Variants in ARSL observed in about 807,000 individuals in gnomAD.
The protein encoded by ARSL is arylsulfatase L, also known as arylsulfatase E (chondrodysplasia punctata 1).
In ARSL, 4 loss-of-function variants were observed where a neutral mutation model predicts 31.1. The observed-to-expected ratio is 0.13, with a 90% confidence interval of 0.06 to 0.29. ARSL has a LOEUF of 0.29. ARSL is among the 10% of genes least tolerant of loss of function. ARSL has a pLI of 1.00. For missense variants in ARSL, 312 were observed against 497.8 expected (o/e 0.63, Z 3.55); for synonymous variants, 198 against 209.9 (o/e 0.94, Z 0.49).
In ARSL at chrX:2,943,213, A is replaced by T; in HGVS notation, c.992-14T>A. 1 of 1,209,982 alleles carries T rather than the reference A, an allele frequency of 8.3e-7. No individual in the cohort carries two copies. Among genetic ancestry groups the T allele is most frequent in the Non-Finnish European group, 1.1e-6 (1 of 895,051 alleles). On this transcript the variant is annotated splice_polypyrimidine_tract_variant and intron_variant, in intron 7 of 10. Coordinates refer to ENST00000381134, the MANE Select transcript of ARSL (RefSeq NM_000047.3). ...CAAGGATCCGTCCTGCAAAGAACAGATGTTTTTGGGGCCGTCGAAATGGAA... is the reference window on the plus strand; with the variant it reads ...CAAGGATCCGTCCTGCAAAGAACAGTTGTTTTTGGGGCCGTCGAAATGGAA...
intron 2 of ARSL, among the ~76,000 whole-genome samples, chrX:2,959,032 T>C (rs1249999318): frequency 2.7e-5 from 3 of 112,058 alleles, no homozygotes; most frequent in Non-Finnish European, 5.6e-5. Flanking sequence ...GCCTTAGTCA[T>C]GGTTTCTTGG....
rs867099462 is a variant in ARSL, at chrX:2,961,891, A to C, written c.-20-1471T>G. On this transcript the variant is annotated intron_variant, in intron 1 of 10. Transcript: ENST00000381134. The stretch of plus-strand genomic sequence containing the variant: ...TTTTTTTTTTTAATCTTTCTTTTTT[A>C]TTTTTTTGAGACGGAGTCTTGCTCT... Among the ~76,000 whole-genome samples the C allele has an allele frequency of 8.9e-5, 4 of 44,696 alleles. No individual in the cohort carries two copies. In the Admixed American group the frequency reaches 1.0e-3, roughly 12 times the overall value. The allele number at this position is 44,696 out of a possible 115,157, so 38.8% of individuals were successfully genotyped here.
At chrX:2,964,182 C>A in intron 1 of ARSL, 42 bp downstream of exon 1, 6 of 754,084 alleles carry the variant, frequency 8.0e-6, no homozygotes, top group Non-Finnish European at 9.4e-6. Context: ...TGCCTGGTCA[C>A]GGAGCCCAAA....
chrX:2,960,408 C>T lies in ARSL; in HGVS notation c.-8G>A. The T allele has an allele frequency of 1.7e-6, 2 of 1,195,711 alleles. No individual in the cohort carries two copies. Among genetic ancestry groups the T allele is most frequent in the Non-Finnish European group, 2.2e-6 (2 of 889,363 alleles). ...ATGGTGCAGATGTAACATGTTGTCT[C>T]TCTCTCTACTTCCTGTAAGACATAA... On this transcript the variant is annotated 5_prime_UTR_variant, in exon 2 of 11. Transcript: ENST00000381134.
rs2089175587 is a variant in ARSL, at chrX:2,934,942, G to A, written c.1660C>T (p.Pro554Ser). Residue 554 changes from proline to serine, a missense_variant, in exon 11 of 11, where the codon CCA becomes TCA. Coordinates refer to ENST00000381134, the MANE Select transcript of ARSL (RefSeq NM_000047.3). ...AVWEHQRTLS[P>S]VPLQLDRLGN... is the part of the protein sequence containing the mutation. ...AGCCTGTCCAGCTGCAGAGGAACTG[G>A]GCTGAGTGTCCGCTGGTGTTCCCAC... 2.5e-6 allele frequency: 3 copies of A among 1,210,522 alleles called. No individual in the cohort carries two copies. Among genetic ancestry groups the A allele is most frequent in the Non-Finnish European group, 3.4e-6 (3 of 894,881 alleles).
At chrX:2,961,038 G>A (rs752771937) in intron 1 of ARSL, among the ~76,000 whole-genome samples, 1 of 111,447 alleles carries the variant, frequency 9.0e-6, no homozygotes, top group South Asian at 3.8e-4. Context: ...AACAGAACTG[G>A]GAGTGTCAGT....
intron 2 of ARSL, chrX:2,960,031 A>G: frequency 4.7e-6 from 1 of 211,868 alleles, no homozygotes; most frequent in Non-Finnish European, 8.5e-6. Context: ...GCACTTTGGG[A>G]GGCCGAGGCG....
intron 6 of ARSL, among the ~76,000 whole-genome samples, chrX:2,947,373 G>C (rs756060836): frequency 8.9e-6 from 1 of 112,469 alleles, no homozygotes; most frequent in South Asian, 3.7e-4. Context: ...TATAGAATAA[G>C]TGGTGCCACA....
chrX:2,936,006 G>A (rs1361847628), intron 10 of ARSL, among the ~76,000 whole-genome samples: 1 of 110,893 alleles, frequency 9.0e-6, no homozygotes, highest in Non-Finnish European at 1.9e-5. Flanking sequence ...GAGTTGCCTG[G>A]GCAACATACT....
At chrX:2,947,562 T>A (rs2089402631) in intron 6 of ARSL, among the ~76,000 whole-genome samples, 1 of 112,226 alleles carries the variant, frequency 8.9e-6, no homozygotes, top group Non-Finnish European at 1.9e-5. Flanking sequence ...CTAATCTAGA[T>A]CCTTGAAGCC....
chrX:2,951,614 CAAAAAAAAAAAAAA>C (rs1164575386), intron 5 of ARSL, among the ~76,000 whole-genome samples: 111 of 28,893 alleles, frequency 3.8e-3, no homozygotes, highest in African/African-American at 9.2e-3. Context: ...CCCATCTCTA[CAAAAAAAAAAAAAA>C]AAAAAAAGAA....
intron 8 of ARSL, among the ~76,000 whole-genome samples, chrX:2,938,850 C>T (rs2089240853): frequency 9.1e-6 from 1 of 110,479 alleles, no homozygotes; most frequent in Non-Finnish European, 1.9e-5. Flanking sequence ...TGACAGATGT[C>T]CTTCTAAGAG....
intron 6 of ARSL, among the ~76,000 whole-genome samples, 188 bp from the exon 7 acceptor site, chrX:2,946,322 CTTTTTTTTTTTTT>C (rs747661858): frequency 8.7e-5 from 6 of 69,125 alleles, no homozygotes; most frequent in African/African-American, 2.6e-4. Context: ...AACAATCTTC[CTTTTTTTTTTTTT>C]TTTTTTTTTT....
chrX:2,943,006 G>A, intron 8 of ARSL, 59 bp downstream of exon 8: 12 of 1,184,140 alleles, frequency 1.0e-5, no homozygotes, highest in South Asian at 1.8e-5. Context: ...TGCCCTGCTG[G>A]GAATTGCAGG....
intron 3 of ARSL, among the ~76,000 whole-genome samples, chrX:2,957,164 T>C (rs1429570050): frequency 1.9e-5 from 2 of 106,444 alleles, no homozygotes; most frequent in Non-Finnish European, 3.9e-5. Context: ...GAGCTGGCAG[T>C]GAGCCAAGAT....
intron 10 of ARSL, among the ~76,000 whole-genome samples, chrX:2,935,626 CTG>C (rs1267856206): frequency 9.0e-6 from 1 of 111,288 alleles, no homozygotes; most frequent in East Asian, 2.8e-4. Flanking sequence ...TTGCACAACA[CTG>C]TGAAAGCACG....
Position 2,945,292 on chromosome X carries a change from G to A in ARSL, c.991+706C>T, listed in dbSNP as rs1006495832. ...AGCAGGTGGGGAGGACAAGGGGGTT[G>A]GGTAGAGGTCAGACTAGGATCTGGG... On this transcript the variant is annotated intron_variant, in intron 7 of 10. Transcript: ENST00000381134. Among the ~76,000 whole-genome samples, 3 of 111,639 alleles carry A rather than the reference G, an allele frequency of 2.7e-5. No homozygotes were observed. The South Asian group carries it at 1.1e-3, about 43-fold the overall frequency.
Position 2,958,279 on chromosome X carries a change from G to T in ARSL, c.180C>A (p.Thr60=). ...AGTAATTCTCTGTCCCTTGCCTCATGGTGTTGTTGCCATAGCAGCCAATGT... is the reference window on the plus strand; with the variant it reads ...AGTAATTCTCTGTCCCTTGCCTCATTGTGTTGTTGCCATAGCAGCCAATGT... The part of the protein sequence containing the change: ...IGDIGCYGNN[T]MRTPNIDRLA... Residue 60 remains threonine (T), a synonymous_variant, in exon 3 of 11, where the codon ACC becomes ACA. Transcript: ENST00000381134. 1 of 1,211,711 alleles carries T rather than the reference G, an allele frequency of 8.3e-7. No homozygotes were observed. Among genetic ancestry groups the T allele is most frequent in the Non-Finnish European group, 1.1e-6 (1 of 895,423 alleles).
At chrX:2,967,183 G>A (rs1385705478), upstream of ARSL, among the ~76,000 whole-genome samples, 1 of 111,212 alleles carries the variant, frequency 9.0e-6, no homozygotes, top group Non-Finnish European at 1.9e-5. Context: ...TTATCGGGCT[G>A]GTTATATTGG....
Sources: gnomAD v4.1 joint callset for allele counts (sites outside exome capture counted in the v4.1 genomes callset) on GRCh38, gnomAD v4.1.1 for gene constraint, MANE v1.5 for transcripts, NCBI Gene and HGNC (gene_info 2026-07-23, HGNC 2026-07-21) for gene names.